The following INTS15 variants were observed in gnomAD, a reference collection of about 807,000 sequenced individuals.
INTS15 encodes integrator complex subunit 15.
At chr7:6,607,885 C>G in the INTS15 span, 34 of 1,572,642 alleles carry the variant, frequency 2.2e-5, no homozygotes, top group Non-Finnish European at 2.8e-5. The surrounding 1 kb of genome is among the most constrained non-coding windows in gnomAD (Gnocchi z 6.0). Context: ...TGCGGGGGGA[C>G]GGGGTCAGCC....
the INTS15 span, among the ~76,000 whole-genome samples, chr7:6,601,871 G>C: frequency 4.0e-5 from 6 of 151,014 alleles, no homozygotes; most frequent in African/African-American, 1.2e-4. Context: ...TGGTCAGGCT[G>C]GTCTCAAACT....
At chr7:6,607,941 C>T in the INTS15 span, 2 of 1,598,276 alleles carry the variant, frequency 1.3e-6, no homozygotes, top group Non-Finnish European at 1.7e-6. This position sits in a 1 kb window ranked among gnomAD's most constrained non-coding sequence, Gnocchi z 6.0. Flanking sequence ...CGCGCTGACG[C>T]TTATGCTTGT....
the INTS15 span, among the ~76,000 whole-genome samples, chr7:6,598,735 T>TTGTGTGTGTGTG: frequency 0.023 from 1,931 of 83,556 alleles, 85 homozygotes; most frequent in African/African-American, 0.033. Context: ...GCTGTATGCT[T>TTGTGTGTGTGTG]TGTGTGTGTG....
At chr7:6,601,500 C>T in the INTS15 span, among the ~76,000 whole-genome samples, 4 of 151,200 alleles carry the variant, frequency 2.6e-5, no homozygotes, top group East Asian at 2.0e-4. Flanking sequence ...TTCACCATGT[C>T]GGCCAGGATG....
chr7:6,597,287 GTTGGCTTT>G, the INTS15 span, among the ~76,000 whole-genome samples: 1 of 151,270 alleles, frequency 6.6e-6, no homozygotes, highest in East Asian at 2.0e-4. Flanking sequence ...TGGTATCATA[GTTGGCTTT>G]TTGGTTTTTT....
At chr7:6,602,073 C>A in the INTS15 span, 17 of 1,607,060 alleles carry the variant, frequency 1.1e-5, no homozygotes, top group African/African-American at 1.3e-5. Flanking sequence ...CCAGTATGTT[C>A]ATTAATCTTG....
the INTS15 span, chr7:6,591,601 G>A: frequency 3.9e-6 from 6 of 1,556,612 alleles, no homozygotes; most frequent in Non-Finnish European, 4.4e-6. Flanking sequence ...TAATAAGTAC[G>A]TTACAGCCAC....
At chr7:6,599,707 G>C in the INTS15 span, 1 of 913,070 alleles carries the variant, frequency 1.1e-6, no homozygotes, top group East Asian at 2.4e-5. Flanking sequence ...AAGCCAGGAG[G>C]CGTGATCCAG....
chr7:6,608,285 C>A, the INTS15 span: 1 of 1,459,226 alleles, frequency 6.9e-7, no homozygotes, highest in Non-Finnish European at 9.0e-7. Flanking sequence ...CCGGCAGAAC[C>A]GTCTTGGTGT....
the INTS15 span, among the ~76,000 whole-genome samples, chr7:6,592,902 G>A: frequency 1.3e-5 from 2 of 152,032 alleles, no homozygotes; most frequent in African/African-American, 4.8e-5. Flanking sequence ...GAGCCACTGC[G>A]CCCAGCTTAA....
chr7:6,608,095 C>G, the INTS15 span: 2 of 1,576,146 alleles, frequency 1.3e-6, no homozygotes, highest in African/African-American at 2.7e-5. Flanking sequence ...CCCACCCCGC[C>G]CTGCCCACGC....
chr7:6,608,258 CG>C, the INTS15 span: 62 of 1,488,608 alleles, frequency 4.2e-5, no homozygotes, highest in South Asian at 7.4e-4. Flanking sequence ...GGGAAGGGGT[CG>C]GGCAGCCCCT....
the INTS15 span, chr7:6,590,257 C>T: frequency 7.4e-6 from 11 of 1,481,460 alleles, no homozygotes; most frequent in Non-Finnish European, 9.8e-6. Flanking sequence ...GAGACGCGCT[C>T]GGCGCGGGGG....
the INTS15 span, among the ~76,000 whole-genome samples, chr7:6,606,831 G>A: frequency 6.6e-6 from 1 of 151,932 alleles, no homozygotes; most frequent in Non-Finnish European, 1.5e-5. Flanking sequence ...CCAGCCTCCT[G>A]AGTAGCTGGG....
the INTS15 span, chr7:6,600,137 G>C: frequency 6.2e-7 from 1 of 1,614,194 alleles, no homozygotes; most frequent in Non-Finnish European, 8.5e-7. Flanking sequence ...CGTCCTGCAA[G>C]TGCTCATGAC....
the INTS15 span, chr7:6,600,482 A>G: frequency 1.5e-4 from 151 of 1,004,344 alleles, no homozygotes; most frequent in Middle Eastern, 9.9e-4. Flanking sequence ...TAGTGAACAC[A>G]GGGGAGGAAG....
chr7:6,594,393 C>CA, the INTS15 span: 1 of 1,608,682 alleles, frequency 6.2e-7, no homozygotes, highest in South Asian at 1.1e-5. Flanking sequence ...TCTACTCACT[C>CA]ACGACATCTG....
At chr7:6,605,683 G>T in the INTS15 span, among the ~76,000 whole-genome samples, 1 of 151,972 alleles carries the variant, frequency 6.6e-6, no homozygotes, top group Non-Finnish European at 1.5e-5. Context: ...GGGTCGCCTG[G>T]AATACCTCCT....
the INTS15 span, among the ~76,000 whole-genome samples, chr7:6,591,202 A>G: frequency 2.6e-5 from 4 of 151,772 alleles, no homozygotes; most frequent in African/African-American, 4.8e-5. Flanking sequence ...GAAGGGCGAA[A>G]AGTTCTACGG....
Sources: allele counts gnomAD v4.1 joint callset (sites outside exome capture counted in the v4.1 genomes callset), GRCh38; gene constraint gnomAD v4.1.1; non-coding constraint Gnocchi (gnomAD v3.1); transcripts MANE v1.5; gene names NCBI Gene and HGNC (gene_info 2026-07-23, HGNC 2026-07-21).